NRG1: variants seen among roughly 807,000 people sequenced by gnomAD.
NRG1 encodes the protein pro-neuregulin-1, membrane-bound isoform.
Under a neutral mutation model 63.8 loss-of-function variants are expected in NRG1, and 18 were observed. That is an observed-to-expected ratio of 0.28 (90% CI 0.19 to 0.42). The LOEUF is 0.42. NRG1 is among the 10% of genes least tolerant of loss of function. NRG1 has a pLI of 1.00. For missense variants in NRG1, 762 were observed against 814.7 expected, an observed-to-expected ratio of 0.94 and a Z score of 0.79; for synonymous variants, 302 against 301.3, an observed-to-expected ratio of 1.00 and a Z score of -0.02.
At chr8:32,432,654 T>A in intron 1 of NRG1, among the ~76,000 whole-genome samples, 1 of 151,772 alleles carries the variant, frequency 6.6e-6, no homozygotes, top group South Asian at 2.1e-4. Context: ...GGACTACAGG[T>A]GTGCACTTGT....
intron 1 of NRG1, among the ~76,000 whole-genome samples, chr8:31,763,623 A>T (rs1303041508): frequency 1.3e-5 from 2 of 152,210 alleles, no homozygotes; most frequent in African/African-American, 4.8e-5. Flanking sequence ...GCTAGATGTG[A>T]GAATGGAAAT....
chr8:31,764,530 A>G (rs1817863691), intron 1 of NRG1, among the ~76,000 whole-genome samples: 2 of 152,142 alleles, frequency 1.3e-5, no homozygotes, highest in East Asian at 1.9e-4. Context: ...CCCACTTCAT[A>G]ATTAATTTTT....
At chr8:32,760,589 C>T in intron 11 of NRG1, 183 bp downstream of exon 11, 3 of 1,403,940 alleles carry the variant, frequency 2.1e-6, no homozygotes, top group Non-Finnish European at 2.8e-6. Context: ...TTCTTCTGAG[C>T]TTCTCTCGTC....
chr8:31,704,865 G>T (rs1810988785), intron 1 of NRG1, among the ~76,000 whole-genome samples: 2 of 149,704 alleles, frequency 1.3e-5, no homozygotes, highest in African/African-American at 2.5e-5. Flanking sequence ...TACTTACTAT[G>T]ATTCTCTCTC....
chr8:32,069,873 A>T, intron 1 of NRG1, among the ~76,000 whole-genome samples: 1 of 152,140 alleles, frequency 6.6e-6, no homozygotes, highest in Non-Finnish European at 1.5e-5. Context: ...GCCTTCTGTG[A>T]TGCCTTCCAA....
chr8:31,918,378 C>G (rs568416995), intron 1 of NRG1, among the ~76,000 whole-genome samples: 1 of 152,106 alleles, frequency 6.6e-6, no homozygotes, highest in Non-Finnish European at 1.5e-5. Context: ...TATGTCCCAT[C>G]GATACCTAAT....
At chr8:32,614,336 C>G in intron 3 of NRG1, 178 bp from the exon 4 acceptor site, 1 of 495,934 alleles carries the variant, frequency 2.0e-6, no homozygotes, top group Non-Finnish European at 3.6e-6. Context: ...GGAGAACTAT[C>G]AATTTGGACT....
chr8:32,060,459 C>G (rs1225467139), intron 1 of NRG1, among the ~76,000 whole-genome samples: 3 of 151,992 alleles, frequency 2.0e-5, no homozygotes, highest in African/African-American at 7.2e-5. Flanking sequence ...CAACATCTAA[C>G]TAAAGCCTTG....
intron 6 of NRG1, among the ~76,000 whole-genome samples, chr8:32,732,685 G>A (rs1823989319): frequency 6.6e-6 from 1 of 151,030 alleles, no homozygotes; most frequent in African/African-American, 2.4e-5. Context: ...CTCTGGGGAA[G>A]CAAAATTTAT....
intron 5 of NRG1, chr8:32,647,271 G>A: frequency 3.0e-6 from 3 of 985,352 alleles, no homozygotes; most frequent in Non-Finnish European, 3.6e-6. Flanking sequence ...ACCGCCGCTG[G>A]TCCTCCTTCT....
At chr8:32,619,310 C>G (rs1403290174) in intron 5 of NRG1, among the ~76,000 whole-genome samples, 1 of 152,146 alleles carries the variant, frequency 6.6e-6, no homozygotes. Flanking sequence ...AAAAGCATGG[C>G]TCATGTGCCG....
chr8:32,098,428 G>A (rs1395965175), intron 1 of NRG1, among the ~76,000 whole-genome samples: 3 of 152,134 alleles, frequency 2.0e-5, no homozygotes, highest in Non-Finnish European at 4.4e-5. Flanking sequence ...CAGAAATAAC[G>A]GCTTGGTAAT....
chr8:32,005,487 T>C (rs1024690409), intron 1 of NRG1, among the ~76,000 whole-genome samples: 6 of 151,974 alleles, frequency 3.9e-5, no homozygotes, highest in African/African-American at 1.4e-4. Context: ...GGGCAATAAA[T>C]TAAATCTTTC....
chr8:32,176,617 A>C (rs142461954), intron 1 of NRG1, among the ~76,000 whole-genome samples: 149,129 of 152,128 alleles, frequency 0.98, 73,111 homozygotes, highest in Middle Eastern at 1. Context: ...CAGTGAACTC[A>C]AACAAATTTA....
chr8:32,452,500 AC>A (rs1821087336), intron 1 of NRG1, among the ~76,000 whole-genome samples: 1 of 152,222 alleles, frequency 6.6e-6, no homozygotes, highest in Non-Finnish European at 1.5e-5. Flanking sequence ...AAAGTACAGA[AC>A]CACTAAAGTC....
intron 1 of NRG1, among the ~76,000 whole-genome samples, chr8:32,153,842 C>CA (rs1303431361): frequency 6.6e-6 from 1 of 151,990 alleles, no homozygotes. Flanking sequence ...TTGGTGGAAC[C>CA]AAAAAACCAT....
chr8:32,128,351 C>A (rs758423605), intron 1 of NRG1, among the ~76,000 whole-genome samples: 1 of 151,880 alleles, frequency 6.6e-6, no homozygotes. Flanking sequence ...ATGTGCATTC[C>A]TATATAATGG....
chr8:32,478,532 C>A (rs1259478455), intron 1 of NRG1, among the ~76,000 whole-genome samples: 6 of 152,148 alleles, frequency 3.9e-5, no homozygotes, highest in African/African-American at 1.2e-4. Context: ...AAAAGAAATA[C>A]TCCCCAACGT....
intron 1 of NRG1, among the ~76,000 whole-genome samples, chr8:32,265,768 A>AGGAGGT (rs1251284272): frequency 6.6e-6 from 1 of 152,046 alleles, no homozygotes; most frequent in Non-Finnish European, 1.5e-5. Context: ...ACTTGATCCT[A>AGGAGGT]GGAGGTGGAG....
Sources: allele counts gnomAD v4.1 joint callset (sites outside exome capture counted in the v4.1 genomes callset), GRCh38; gene constraint gnomAD v4.1.1; transcripts MANE v1.5; gene names NCBI Gene and HGNC (gene_info 2026-07-23, HGNC 2026-07-21).